Variants in ANKRD10 observed in about 807,000 individuals in gnomAD.
ANKRD10 encodes ankyrin repeat domain-containing protein 10.
Under a neutral mutation model 27.0 loss-of-function variants are expected in ANKRD10, and 14 were observed. The observed-to-expected ratio is 0.52, with a 90% CI of 0.34 to 0.81. ANKRD10 has a LOEUF of 0.81. ANKRD10 is among the 40% of genes least tolerant of loss of function. The pLI is 0.01. For missense variants in ANKRD10, 493 were observed against 544.0 expected (o/e 0.91, Z 0.93); for synonymous variants, 250 against 224.5 (o/e 1.11, Z -1.01).
intron 3 of ANKRD10, among the ~76,000 whole-genome samples, chr13:110,898,450 T>C (rs1357160105): frequency 1.3e-5 from 2 of 152,252 alleles, no homozygotes; most frequent in Non-Finnish European, 2.9e-5. Context: ...AGCACGTAAA[T>C]GAAACACTTG....
intron 4 of ANKRD10, among the ~76,000 whole-genome samples, chr13:110,884,215 A>G (rs1192186392): frequency 7.6e-6 from 1 of 131,496 alleles, no homozygotes; most frequent in Non-Finnish European, 1.8e-5. Flanking sequence ...ATTTCCATTA[A>G]CAAAAAAAAT....
intron 3 of ANKRD10, chr13:110,904,357 A>T (rs1332480180): frequency 6.6e-6 from 1 of 152,218 alleles, no homozygotes; most frequent in Non-Finnish European, 1.5e-5. Context: ...AACCAAGGAC[A>T]GAATTGTAAA....
At chr13:110,897,737 T>C (rs749504747) in intron 3 of ANKRD10, among the ~76,000 whole-genome samples, 2 of 152,172 alleles carry the variant, frequency 1.3e-5, no homozygotes, top group African/African-American at 4.8e-5. Flanking sequence ...CTGAATCATA[T>C]GGTAGTTCTA....
chr13:110,910,484 C>T, intron 2 of ANKRD10, 134 bp downstream of exon 2: 1 of 1,171,488 alleles, frequency 8.5e-7, no homozygotes, highest in Admixed American at 2.2e-5. Flanking sequence ...ACTGAAGAAA[C>T]ATAAATTCCA....
intron 5 of ANKRD10, among the ~76,000 whole-genome samples, chr13:110,881,305 AC>A (rs1387830005): frequency 6.6e-6 from 1 of 152,200 alleles, no homozygotes; most frequent in Admixed American, 6.5e-5. Context: ...CTAACATGTC[AC>A]ACACCATGGG....
At chr13:110,891,165 A>G (rs2065062679) in intron 4 of ANKRD10, among the ~76,000 whole-genome samples, 1 of 152,196 alleles carries the variant, frequency 6.6e-6, no homozygotes, top group Non-Finnish European at 1.5e-5. Context: ...GGACATTTAG[A>G]CTATACAGTG....
intron 3 of ANKRD10, chr13:110,894,069 G>C (rs751823331): frequency 1.4e-6 from 2 of 1,406,670 alleles, no homozygotes; most frequent in South Asian, 1.2e-5. Flanking sequence ...CAGAGTAAGT[G>C]AAAGAGCTGA....
intron 3 of ANKRD10, chr13:110,894,415 A>AACAAAC (rs1177149747): frequency 3.2e-6 from 1 of 316,810 alleles, no homozygotes; most frequent in Non-Finnish European, 5.8e-6. Context: ...AAAAAAAAAA[A>AACAAAC]AAAAAAAAAA....
chr13:110,914,566 C>G (rs2065829828), intron 1 of ANKRD10, 159 bp downstream of exon 1: 6 of 1,058,392 alleles, frequency 5.7e-6, no homozygotes, highest in Non-Finnish European at 7.3e-6. Context: ...GCGAGCGCTG[C>G]CGCACAGGCG....
chr13:110,890,840 T>A (rs565627801), intron 4 of ANKRD10, among the ~76,000 whole-genome samples: 2 of 152,306 alleles, frequency 1.3e-5, no homozygotes, highest in East Asian at 3.9e-4. Flanking sequence ...TTCTAATCAC[T>A]GGTCAACCAA....
chr13:110,879,521 T>G lies in ANKRD10; in HGVS notation c.*116A>C. 1 of 794,924 alleles carries G rather than the reference T, an allele frequency of 1.3e-6. No individual in the cohort carries two copies. The highest frequency in any genetic ancestry group is 2.6e-5 in the Admixed American group (1 of 37,760). The allele number at this position is 794,924 out of a possible 1,614,324, so 49.2% of individuals were successfully genotyped here. A position where few individuals can be genotyped will look rare whatever the true frequency, so the allele number is the denominator to read the frequency against. On this transcript the variant is annotated 3_prime_UTR_variant, in exon 6 of 6. Transcript: ENST00000267339. Reference sequence around the variant, plus strand: ...TGTCGAAGTTTACTTTTTCAGAAAGTTGAAGTATATAAAAAACGTACAAGT... The same window carrying G: ...TGTCGAAGTTTACTTTTTCAGAAAGGTGAAGTATATAAAAAACGTACAAGT...
At chr13:110,913,154 T>C (rs964136168) in intron 1 of ANKRD10, among the ~76,000 whole-genome samples, 2 of 152,374 alleles carry the variant, frequency 1.3e-5, no homozygotes, top group South Asian at 2.1e-4. Context: ...TAAGTGACCA[T>C]CTGTAATGAG....
chr13:110,880,471 GC>G (rs2064794055), intron 5 of ANKRD10, among the ~76,000 whole-genome samples: 1 of 152,062 alleles, frequency 6.6e-6, no homozygotes. Context: ...TTAAAAAATC[GC>G]CCCTGAAAAG....
At chr13:110,898,027 A>T (rs536310737) in intron 3 of ANKRD10, among the ~76,000 whole-genome samples, 1 of 152,350 alleles carries the variant, frequency 6.6e-6, no homozygotes, top group Non-Finnish European at 1.5e-5. Flanking sequence ...ACAACTTTTT[A>T]AAAGTTGCCA....
chr13:110,893,478 T>C (rs1376650655), intron 3 of ANKRD10, among the ~76,000 whole-genome samples: 6 of 152,366 alleles, frequency 3.9e-5, no homozygotes, highest in South Asian at 2.1e-4. Flanking sequence ...AAACTAAATA[T>C]GCTAAACTTC....
At chr13:110,880,756 C>T (rs2064801498) in intron 5 of ANKRD10, among the ~76,000 whole-genome samples, 1 of 152,180 alleles carries the variant, frequency 6.6e-6, no homozygotes, top group African/African-American at 2.4e-5. Flanking sequence ...CTACGTAGTA[C>T]TTCTGCCAAA....
At chr13:110,899,745 A>G (rs1308388854) in intron 3 of ANKRD10, among the ~76,000 whole-genome samples, 1 of 152,066 alleles carries the variant, frequency 6.6e-6, no homozygotes, top group Non-Finnish European at 1.5e-5. Context: ...TCTCTCTACT[A>G]TTCTTTCAAA....
chr13:110,898,124 T>C (rs2065278150), intron 3 of ANKRD10, among the ~76,000 whole-genome samples: 1 of 152,328 alleles, frequency 6.6e-6, no homozygotes, highest in Middle Eastern at 3.4e-3. Flanking sequence ...GAGAGCGCAC[T>C]TAGCTGTAAA....
At chr13:110,912,328 T>C (rs1252387510) in intron 1 of ANKRD10, among the ~76,000 whole-genome samples, 2 of 152,232 alleles carry the variant, frequency 1.3e-5, no homozygotes, top group Non-Finnish European at 2.9e-5. Context: ...AGGCTTTCAG[T>C]AAACACTCCT....
Sources: gnomAD v4.1 joint callset for allele counts (sites outside exome capture counted in the v4.1 genomes callset) on GRCh38, gnomAD v4.1.1 for gene constraint, MANE v1.5 for transcripts, NCBI Gene and HGNC (gene_info 2026-07-23, HGNC 2026-07-21) for gene names.